Variants in KREMEN1 observed in about 807,000 individuals in gnomAD.
KREMEN1 encodes kremen protein 1.
A neutral mutation model predicts 46.5 loss-of-function variants in KREMEN1; 30 were observed. That is an observed-to-expected ratio of 0.65 (90% CI 0.48 to 0.88). The LOEUF (loss-of-function observed/expected upper bound fraction) is 0.88, where lower values mean the gene tolerates loss of function less well. Among genes scored for constraint, KREMEN1 ranks in the 40% least tolerant of loss-of-function variants. KREMEN1 has a pLI of 0.00. For synonymous variants in KREMEN1, 214 were observed against 230.6 expected, an observed-to-expected ratio of 0.93 and a Z score of 0.65; for missense variants, 533 against 596.9, an observed-to-expected ratio of 0.89 and a Z score of 1.11.
intron 9 of KREMEN1, among the ~76,000 whole-genome samples, chr22:29,161,974 C>T (rs1248522683): frequency 6.6e-6 from 1 of 151,834 alleles, no homozygotes; most frequent in East Asian, 1.9e-4. Context: ...AAAAATTAGC[C>T]AGGTATGGTG....
chr22:29,131,641 T>C (rs1451014787), intron 5 of KREMEN1, among the ~76,000 whole-genome samples: 1 of 122,644 alleles, frequency 8.2e-6, no homozygotes, highest in African/African-American at 3.5e-5. Context: ...TATATATATG[T>C]GTGTATATAT....
At chr22:29,088,333 A>G (rs1023039985) in intron 1 of KREMEN1, among the ~76,000 whole-genome samples, 2 of 139,848 alleles carry the variant, frequency 1.4e-5, no homozygotes, top group Admixed American at 7.1e-5. Flanking sequence ...ACACACACGC[A>G]CACACATATT....
At chr22:29,149,047 A>G (rs1468967771), downstream of KREMEN1, among the ~76,000 whole-genome samples, 2 of 152,024 alleles carry the variant, frequency 1.3e-5, no homozygotes, top group African/African-American at 4.8e-5. Flanking sequence ...GAATCCCTGG[A>G]AGCATTGCCT....
Position 29,142,122 on chromosome 22 carries a change from T to C in KREMEN1, c.*10T>C, listed in dbSNP as rs757092168. The C allele has an allele frequency of 6.3e-7, 1 of 1,583,194 alleles. No homozygotes were observed. The highest frequency in any genetic ancestry group is 2.3e-5 in the East Asian group (1 of 43,092). The stretch of plus-strand genomic sequence containing the variant: ...CCTTGTGAGTGACTAAAAACCCCAC[T>C]GTGCCTAGGACTTGAGGTCCCTCTT... On this transcript the variant is annotated 3_prime_UTR_variant, in exon 9 of 9. Transcript: ENST00000400335.
At chr22:29,163,375 C>T (rs927817655) in intron 9 of KREMEN1, among the ~76,000 whole-genome samples, 3 of 151,994 alleles carry the variant, frequency 2.0e-5, no homozygotes, top group Admixed American at 6.6e-5. Flanking sequence ...TCAGGTATTT[C>T]TTTCTTGTTT....
At chr22:29,134,704 G>A (rs2038629355) in intron 5 of KREMEN1, among the ~76,000 whole-genome samples, 1 of 152,194 alleles carries the variant, frequency 6.6e-6, no homozygotes, top group Non-Finnish European at 1.5e-5. Context: ...CAGTCTATCA[G>A]AAGTTGAGCT....
chr22:29,096,328 A>C (rs1211913641), intron 2 of KREMEN1, among the ~76,000 whole-genome samples: 1 of 152,244 alleles, frequency 6.6e-6, no homozygotes, highest in Non-Finnish European at 1.5e-5. Flanking sequence ...CCTATCAAGC[A>C]AGTCTTCTCA....
rs143713739 is a variant in KREMEN1, at chr22:29,085,516, G to C, written c.98-8742G>C. Among the ~76,000 whole-genome samples, 932 of 152,226 alleles carry C rather than the reference G, an allele frequency of 6.1e-3. 10 individuals carry two copies. Among genetic ancestry groups the C allele is most frequent in the African/African-American group, 0.022 (898 of 41,532 alleles). On this transcript the variant is annotated intron_variant, in intron 1 of 8. Coordinates refer to ENST00000400335, the MANE Select transcript of KREMEN1 (RefSeq NM_001039570.3). ...CCATCAAATATCCAGTCAATGTTCA[G>C]ATGTTCCTGATTGTCTTATTAGTAT...
chr22:29,088,063 A>G (rs2037754725), intron 1 of KREMEN1, among the ~76,000 whole-genome samples: 1 of 152,134 alleles, frequency 6.6e-6, no homozygotes, highest in South Asian at 2.1e-4. Context: ...CATCATATTT[A>G]TAGCTGAAAT....
chr22:29,131,732 A>G (rs991811530), intron 5 of KREMEN1, among the ~76,000 whole-genome samples: 1 of 139,078 alleles, frequency 7.2e-6, no homozygotes, highest in African/African-American at 2.8e-5. Flanking sequence ...ATATATGTAT[A>G]TATGTGTATA....
intron 3 of KREMEN1, among the ~76,000 whole-genome samples, chr22:29,112,863 C>A (rs1054375539): frequency 1.3e-5 from 2 of 152,176 alleles, no homozygotes; most frequent in Non-Finnish European, 2.9e-5. Context: ...ATCTAGAAAT[C>A]CACTCAGTTG....
chr22:29,120,932 T>C (rs2038346441), intron 3 of KREMEN1, among the ~76,000 whole-genome samples: 1 of 152,188 alleles, frequency 6.6e-6, no homozygotes, highest in African/African-American at 2.4e-5. Flanking sequence ...GTGGAATCTT[T>C]GAAGGAATTA....
At position 29,164,024 on chromosome 22, in the gene KREMEN1, G is replaced by T. The variant is rs183283419; in HGVS notation, c.1417-3020G>T. Among the ~76,000 whole-genome samples the T allele has an allele frequency of 2.1e-5, 3 of 143,720 alleles. No homozygotes were observed. The East Asian group carries it at 5.9e-4, about 28-fold the overall frequency. The allele number at this position is 143,720 out of a possible 152,430, so 94.3% of individuals were successfully genotyped here. On this transcript the variant is annotated intron_variant, in intron 9 of 9. Transcript: ENST00000327813. ...GCGCACTGCAGCCTCAAACCGCTGG[G>T]CTCAAGGGACAAACCGCTGGGCTCA...
chr22:29,088,526 C>T (rs532794608), intron 1 of KREMEN1, among the ~76,000 whole-genome samples: 4 of 152,196 alleles, frequency 2.6e-5, no homozygotes, highest in Admixed American at 2.0e-4. Context: ...GATGGGGTTT[C>T]GCCATGTTGC....
chr22:29,124,063 C>G (rs2038401237), intron 4 of KREMEN1, among the ~76,000 whole-genome samples: 1 of 151,978 alleles, frequency 6.6e-6, no homozygotes, highest in Non-Finnish European at 1.5e-5. Flanking sequence ...CCTAGTAATT[C>G]CATTCCTAGT....
intron 3 of KREMEN1, among the ~76,000 whole-genome samples, chr22:29,104,486 G>A (rs1357370992): frequency 2.0e-5 from 3 of 152,080 alleles, no homozygotes; most frequent in Admixed American, 6.6e-5. Flanking sequence ...TAGCCCACAG[G>A]TATCTGATGT....
Position 29,142,771 on chromosome 22 carries a change from T to A in KREMEN1, c.*659T>A. ...TGACCCCCATTTATATCAAACCTGA[T>A]ACCTTACACATGGGCTTCTTTCTAG... On this transcript the variant is annotated 3_prime_UTR_variant, in exon 9 of 9. Transcript: ENST00000400335. 2.0e-6 allele frequency: 2 copies of A among 985,434 alleles called. No homozygotes were observed. The highest frequency in any genetic ancestry group is 2.4e-6 in the Non-Finnish European group (2 of 829,926). 61.0% of individuals were successfully genotyped at this position (985,434 alleles called of 1,614,324 possible).
At chr22:29,166,711 G>A (rs1295488087) in intron 9 of KREMEN1, among the ~76,000 whole-genome samples, 1 of 152,156 alleles carries the variant, frequency 6.6e-6, no homozygotes, top group East Asian at 1.9e-4. Flanking sequence ...ATCCGAGGTG[G>A]AAGGATCACT....
intron 9 of KREMEN1, among the ~76,000 whole-genome samples, chr22:29,161,486 G>A (rs986741035): frequency 4.7e-5 from 6 of 127,102 alleles, no homozygotes; most frequent in East Asian, 2.3e-4. Flanking sequence ...CAGCCTGGGT[G>A]ACAGAGTGAG....
Sources: allele counts gnomAD v4.1 joint callset (sites outside exome capture counted in the v4.1 genomes callset), GRCh38; gene constraint gnomAD v4.1.1; transcripts MANE v1.5; gene names NCBI Gene and HGNC (gene_info 2026-07-23, HGNC 2026-07-21).